Variants in BLTP3B observed in about 807,000 individuals in gnomAD.
BLTP3B encodes bridge-like lipid transfer protein family member 3B.
the BLTP3B span, among the ~76,000 whole-genome samples, chr12:100,093,441 T>A: frequency 6.6e-6 from 1 of 152,212 alleles, no homozygotes; most frequent in African/African-American, 2.4e-5. Context: ...TAATCTCTAA[T>A]AGCTGACAAT....
At chr12:100,089,140 G>A in the BLTP3B span, 4 of 1,381,434 alleles carry the variant, frequency 2.9e-6, no homozygotes, top group African/African-American at 3.0e-5. Flanking sequence ...TTTAAATACT[G>A]GAAATTTCAC....
At chr12:100,138,746 A>T in the BLTP3B span, among the ~76,000 whole-genome samples, 2 of 152,188 alleles carry the variant, frequency 1.3e-5, no homozygotes, top group Admixed American at 6.5e-5. Flanking sequence ...AGGAGAAGAG[A>T]GTGTCTGTAT....
At chr12:100,070,290 A>T in the BLTP3B span, 28 of 963,338 alleles carry the variant, frequency 2.9e-5, no homozygotes, top group South Asian at 1.1e-4. Context: ...TAATTAATTA[A>T]TTTTTTTTTT....
the BLTP3B span, among the ~76,000 whole-genome samples, chr12:100,078,723 T>C: frequency 3.9e-5 from 6 of 152,308 alleles, no homozygotes; most frequent in South Asian, 1.2e-3. Flanking sequence ...AGTTTCACAT[T>C]TCAAGTGCTC....
At chr12:100,039,529 A>G in the BLTP3B span, 1 of 1,399,348 alleles carries the variant, frequency 7.1e-7, no homozygotes, top group Non-Finnish European at 9.7e-7. Flanking sequence ...CAATGTTTTA[A>G]CTATTAGTAT....
At chr12:100,061,436 T>A in the BLTP3B span, among the ~76,000 whole-genome samples, 1 of 152,060 alleles carries the variant, frequency 6.6e-6, no homozygotes, top group East Asian at 1.9e-4. Flanking sequence ...GGCGGGTGGA[T>A]CACGAGGTCA....
the BLTP3B span, chr12:100,037,658 A>G: frequency 3.7e-6 from 6 of 1,609,460 alleles, no homozygotes; most frequent in South Asian, 3.3e-5. Context: ...CATCTTCTTT[A>G]TATGATGAAG....
chr12:100,058,209 T>A, the BLTP3B span: 1 of 1,612,904 alleles, frequency 6.2e-7, no homozygotes, highest in South Asian at 1.1e-5. Context: ...ACCATCACTA[T>A]CAAATGAAAG....
chr12:100,123,615 G>C, the BLTP3B span, among the ~76,000 whole-genome samples: 2 of 152,280 alleles, frequency 1.3e-5, no homozygotes, highest in Admixed American at 6.5e-5. Flanking sequence ...CAAACCCATT[G>C]CAAGTCTGGG....
chr12:100,054,570 T>C, the BLTP3B span, among the ~76,000 whole-genome samples: 1 of 152,112 alleles, frequency 6.6e-6, no homozygotes, highest in African/African-American at 2.4e-5. Flanking sequence ...AAATCCTCTA[T>C]TAAGGTAGGA....
the BLTP3B span, chr12:100,095,575 C>G: frequency 7.0e-7 from 1 of 1,429,836 alleles, no homozygotes; most frequent in South Asian, 1.3e-5. Context: ...ACCTCACAAT[C>G]TGTCTCTTAA....
the BLTP3B span, among the ~76,000 whole-genome samples, chr12:100,125,637 G>A: frequency 6.7e-4 from 102 of 152,282 alleles, no homozygotes; most frequent in Non-Finnish European, 1.3e-3. Context: ...AACAGAGTGA[G>A]GGGAGCAGGG....
the BLTP3B span, among the ~76,000 whole-genome samples, chr12:100,138,039 G>A: frequency 2.0e-5 from 3 of 152,220 alleles, no homozygotes; most frequent in African/African-American, 7.2e-5. Context: ...CTCTAAAGCT[G>A]TAGCTCCCAA....
the BLTP3B span, among the ~76,000 whole-genome samples, chr12:100,133,278 T>C: frequency 6.6e-6 from 1 of 152,016 alleles, no homozygotes; most frequent in African/African-American, 2.4e-5. Context: ...ATAAAACCTG[T>C]CTTTTAAAAT....
the BLTP3B span, among the ~76,000 whole-genome samples, chr12:100,124,936 T>TATATATATA: frequency 7.1e-5 from 4 of 56,530 alleles, no homozygotes; most frequent in South Asian, 7.1e-4. Flanking sequence ...AAAAAAAATT[T>TATATATATA]TATATATATA....
At chr12:100,099,881 T>A in the BLTP3B span, among the ~76,000 whole-genome samples, 1 of 150,058 alleles carries the variant, frequency 6.7e-6, no homozygotes, top group Non-Finnish European at 1.5e-5. Context: ...TGAGCTGTGA[T>A]CATGCCACTG....
At chr12:100,130,978 G>GAGAGAGAGA in the BLTP3B span, among the ~76,000 whole-genome samples, 2 of 31,134 alleles carry the variant, frequency 6.4e-5, no homozygotes, top group East Asian at 2.2e-3. Context: ...AGAGAGAGAG[G>GAGAGAGAGA]GAGGGAGAGA....
chr12:100,074,810 G>A, the BLTP3B span, among the ~76,000 whole-genome samples: 1 of 151,974 alleles, frequency 6.6e-6, no homozygotes, highest in Non-Finnish European at 1.5e-5. Flanking sequence ...GAACCAAAAT[G>A]GCATGGTACT....
chr12:100,125,735 A>G, the BLTP3B span, among the ~76,000 whole-genome samples: 1 of 152,214 alleles, frequency 6.6e-6, no homozygotes, highest in Admixed American at 6.5e-5. Context: ...GCAAAAACTG[A>G]GTGCCTACTA....
Sources: allele counts gnomAD v4.1 joint callset (sites outside exome capture counted in the v4.1 genomes callset), GRCh38; gene constraint gnomAD v4.1.1; transcripts MANE v1.5; gene names NCBI Gene and HGNC (gene_info 2026-07-23, HGNC 2026-07-21).